Variants in NUP98 observed in about 807,000 individuals in gnomAD.
The protein encoded by NUP98 is nuclear pore complex protein Nup98-Nup96.
Under a neutral mutation model 191.9 loss-of-function variants are expected in NUP98, and 26 were observed. That is an observed-to-expected ratio of 0.14 (90% CI 0.10 to 0.19). NUP98 has a LOEUF of 0.19. Among genes scored for constraint, NUP98 ranks in the 10% least tolerant of loss-of-function variants. NUP98 has a pLI of 1.00. For synonymous variants in NUP98, 808 were observed against 778.4 expected (o/e 1.04, Z -0.63); for missense variants, 1,941 against 2,178.8 (o/e 0.89, Z 2.17).
At position 3,720,832 on chromosome 11, in the gene NUP98, C is replaced by CAAAAAAAAAAAAAAAAAAA. The variant is rs55821497; in HGVS notation, c.2147-8_2147-7insTTTTTTTTTTTTTTTTTTT. On this transcript the variant is annotated splice_polypyrimidine_tract_variant and splice_region_variant and intron_variant, in intron 16 of 32. Coordinates refer to ENST00000324932, the MANE Select transcript of NUP98 (RefSeq NM_016320.5). ...ACCTTAGTGAGAATAATACCTGTGA[C>CAAAAAAAAAAAAAAAAAAA]AAAAAAAAAAAAAAAAACAGAAAAA... 24 of 376,212 alleles carry CAAAAAAAAAAAAAAAAAAA rather than the reference C, an allele frequency of 6.4e-5. No individual in the cohort carries two copies. Among genetic ancestry groups the CAAAAAAAAAAAAAAAAAAA allele is most frequent in the South Asian group, 5.0e-4 (11 of 22,214 alleles). The allele number at this position is 376,212 out of a possible 1,614,324, so 23.3% of individuals were successfully genotyped here.
chr11:3,719,881 T>A (rs558697418), intron 17 of NUP98, among the ~76,000 whole-genome samples: 1 of 149,976 alleles, frequency 6.7e-6, no homozygotes, highest in East Asian at 2.0e-4. Context: ...CACCTCACCC[T>A]CCCAAGTAGC....
chr11:3,694,598 A>T (rs913524440), intron 26 of NUP98, among the ~76,000 whole-genome samples: 1 of 149,240 alleles, frequency 6.7e-6, no homozygotes, highest in Non-Finnish European at 1.5e-5. Flanking sequence ...AAATTAGCCC[A>T]GCGTGGTGGC....
intron 21 of NUP98, among the ~76,000 whole-genome samples, chr11:3,706,142 C>T (rs1040424792): frequency 1.3e-5 from 2 of 152,114 alleles, no homozygotes; most frequent in Admixed American, 1.3e-4. Context: ...CCACTCCAGC[C>T]TGGGCGACAG....
chr11:3,781,185 C>CA (rs34704470), intron 2 of NUP98, among the ~76,000 whole-genome samples: 19,128 of 67,796 alleles, frequency 0.28, 2,317 homozygotes, highest in Non-Finnish European at 0.34. Flanking sequence ...GATCCTATCT[C>CA]AAAAAAAAAA....
In NUP98 at chr11:3,700,743, C is replaced by A; in HGVS notation, c.3609G>T (p.Glu1203Asp). Residue 1203 changes from glutamate (E) to aspartate (D), a missense_variant, in exon 24 of 33, where the codon GAG becomes GAT. Transcript: ENST00000324932. Reference sequence around the variant, plus strand: ...GGACAGTGCTGTGTTTTAATTTGAGCTCCAGAGGTGTCTGATATAATTTCA... The same window carrying A: ...GGACAGTGCTGTGTTTTAATTTGAGATCCAGAGGTGTCTGATATAATTTCA... ...EDMKLYQTPL[E>D]LKLKHSTVHV... is the part of the protein sequence containing the mutation. 6.2e-7 allele frequency: 1 copy of A among 1,614,144 alleles called. No individual in the cohort carries two copies. The highest frequency in any genetic ancestry group is 8.5e-7 in the Non-Finnish European group (1 of 1,180,000).
chr11:3,786,642 C>T (rs934379350), intron 1 of NUP98, among the ~76,000 whole-genome samples: 1 of 152,174 alleles, frequency 6.6e-6, no homozygotes, highest in South Asian at 2.1e-4. Flanking sequence ...AATCAATGGA[C>T]AGACATATAT....
chr11:3,742,508 C>T (rs531396740), intron 12 of NUP98, among the ~76,000 whole-genome samples: 5 of 151,828 alleles, frequency 3.3e-5, no homozygotes, highest in Non-Finnish European at 5.9e-5. Flanking sequence ...CGAGACCAGC[C>T]TGGCCAACAT....
In NUP98 at chr11:3,702,666, A is replaced by C. The variant is rs776373520; in HGVS notation, c.3309T>G (p.Arg1103=). The change falls in exon 23 of 33, where the codon CGT becomes CGG. Residue 1103 remains arginine, a synonymous_variant. Transcript: ENST00000324932. ...GTRRQLGLVP[R]EKSVTYGKGK... ...CCTTGCCATAGGTGACAGACTTTTC[A>C]CGAGGGACTAGGCCTAGTTGCCTAC... 2 of 1,614,052 alleles carry C rather than the reference A, an allele frequency of 1.2e-6. No homozygotes were observed. Among genetic ancestry groups the C allele is most frequent in the Non-Finnish European group, 8.5e-7 (1 of 1,180,040 alleles).
intron 12 of NUP98, among the ~76,000 whole-genome samples, chr11:3,739,569 T>C (rs1169332857): frequency 3.3e-5 from 5 of 152,008 alleles, no homozygotes; most frequent in East Asian, 3.8e-4. Context: ...TAAAGCTAAG[T>C]ATAAAATCCG....
intron 12 of NUP98, among the ~76,000 whole-genome samples, chr11:3,739,420 T>C (rs994462344): frequency 3.9e-5 from 6 of 152,096 alleles, no homozygotes; most frequent in African/African-American, 1.4e-4. Context: ...GGCTAATTTT[T>C]GTATTTTTAG....
intron 23 of NUP98, among the ~76,000 whole-genome samples, chr11:3,701,224 A>G (rs1318932542): frequency 1.3e-5 from 2 of 151,820 alleles, no homozygotes; most frequent in African/African-American, 4.8e-5. Context: ...CTAAATTACA[A>G]TGAGCATATA....
At chr11:3,717,492 A>G (rs1471162077) in intron 18 of NUP98, among the ~76,000 whole-genome samples, 2 of 152,090 alleles carry the variant, frequency 1.3e-5, no homozygotes, top group Admixed American at 6.6e-5. Flanking sequence ...TTTTGTTGTT[A>G]GTGTATAGCA....
chr11:3,746,269 C>CAAAAAA (rs66773761), intron 11 of NUP98, among the ~76,000 whole-genome samples: 13 of 33,860 alleles, frequency 3.8e-4, no homozygotes, highest in Admixed American at 8.1e-4. Context: ...AACTTTATCT[C>CAAAAAA]AAAAAAAAAA....
intron 6 of NUP98, among the ~76,000 whole-genome samples, chr11:3,773,140 G>A (rs559669020): frequency 6.6e-6 from 1 of 152,204 alleles, no homozygotes; most frequent in Admixed American, 6.5e-5. Context: ...AGTGGCTCAT[G>A]CCTGTTATCC....
At chr11:3,735,516 G>A (rs756211428) in intron 12 of NUP98, among the ~76,000 whole-genome samples, 192 bp from the exon 13 acceptor site, 9 of 151,912 alleles carry the variant, frequency 5.9e-5, no homozygotes, top group Admixed American at 1.3e-4. Context: ...TAAGCTAATA[G>A]GTCAAATTTA....
At chr11:3,778,376 A>C (rs1363779422) in intron 4 of NUP98, among the ~76,000 whole-genome samples, 2 of 152,170 alleles carry the variant, frequency 1.3e-5, no homozygotes, top group East Asian at 3.8e-4. Flanking sequence ...TTTGGACTTA[A>C]AGTGAAAAAA....
At position 3,676,584 on chromosome 11, in the gene NUP98, T is replaced by C. The variant is rs2077819906; in HGVS notation, c.5110A>G (p.Ile1704Val). The change falls in exon 32 of 33, where the codon ATC (isoleucine) becomes GTC (valine). Residue 1704 changes from isoleucine to valine, a missense_variant. By Grantham distance (29) the Ile-to-Val change is conservative (BLOSUM62 3). This residue lies in a region of NUP98 where 1,030 missense variants were observed against 1,115.8 expected (regional missense o/e 0.92). Coordinates refer to ENST00000324932, the MANE Select transcript of NUP98 (RefSeq NM_016320.5). ...CSGNDLEQLHIKVTSLCSRIE... is the reference protein window; with the variant it reads ...CSGNDLEQLHVKVTSLCSRIE... ...CGACTGCACAGTGAAGTCACTTTGATGTGTAACTGCTCCAGGTCATTACCT... is the reference window on the plus strand; with the variant it reads ...CGACTGCACAGTGAAGTCACTTTGACGTGTAACTGCTCCAGGTCATTACCT... The C allele has an allele frequency of 2.5e-6, 4 of 1,614,196 alleles. No homozygotes were observed. The African/African-American group carries it at 4.0e-5, about 16-fold the overall frequency.
At chr11:3,720,642 A>C (rs2079355257) in intron 17 of NUP98, 70 bp downstream of exon 17, 2 of 778,606 alleles carry the variant, frequency 2.6e-6, no homozygotes, top group Non-Finnish European at 4.3e-6. Flanking sequence ...AGCTATCAAA[A>C]GCTTCCCCTA....
At chr11:3,796,824 C>T (rs1236892821) in intron 1 of NUP98, among the ~76,000 whole-genome samples, 1 of 152,158 alleles carries the variant, frequency 6.6e-6, no homozygotes, top group Non-Finnish European at 1.5e-5. Context: ...TATAGTAATC[C>T]AGAAACTCAA....
Sources: allele counts gnomAD v4.1 joint callset (sites outside exome capture counted in the v4.1 genomes callset), GRCh38; gene constraint gnomAD v4.1.1; regional missense constraint gnomAD v4.1.1; transcripts MANE v1.5; gene names NCBI Gene and HGNC (gene_info 2026-07-23, HGNC 2026-07-21).